The following MYO7A variants were observed in gnomAD, a reference collection of about 807,000 sequenced individuals.
MYO7A encodes myosin VIIA.
In MYO7A, 210 loss-of-function variants were observed where a neutral mutation model predicts 263.8. The ratio of observed to expected loss-of-function variants is 0.80; its 90% CI spans 0.71 to 0.89. The LOEUF (loss-of-function observed/expected upper bound fraction) is 0.89. Among genes scored for constraint, MYO7A ranks in the 40% least tolerant of loss-of-function variants. The pLI, the probability that MYO7A is intolerant of heterozygous loss-of-function variation, is 0.00. For missense variants in MYO7A, 2,820 were observed against 2,968.3 expected (o/e 0.95, Z 1.16); for synonymous variants, 1,239 against 1,197.3 (o/e 1.03, Z -0.72).
chr11:77,177,791 A>G (rs1954769323), intron 19 of MYO7A, 148 bp downstream of exon 19: 2 of 649,794 alleles, frequency 3.1e-6, no homozygotes, highest in South Asian at 1.8e-5. Flanking sequence ...GCATGCACAC[A>G]TGATCATGTA....
chr11:77,206,097 A>C lies in MYO7A; in HGVS notation c.5637A>C (p.Arg1879Ser), dbSNP rs1420467307. ...DCLQRLQKAL[R>S]NGSRKYPPHL... Reference sequence around the variant, plus strand: ...CCTGCTGCCCCTGCTGCCTTTTCAGAAACGGGTCCCGGAAGTACCCTCCGC... The same window carrying C: ...CCTGCTGCCCCTGCTGCCTTTTCAGCAACGGGTCCCGGAAGTACCCTCCGC... Residue 1879 changes from arginine to serine, a missense_variant and splice_region_variant, in exon 41 of 49, where the codon AGA becomes AGC. Arg to Ser is a moderately radical substitution (Grantham distance 110). Coordinates refer to ENST00000409709, the MANE Select transcript of MYO7A (RefSeq NM_000260.4). The C allele has an allele frequency of 6.2e-7, 1 of 1,610,322 alleles. No individual in the cohort carries two copies. Among genetic ancestry groups the C allele is most frequent in the East Asian group, 2.2e-5 (1 of 44,684 alleles).
At chr11:77,201,981 G>A (rs927086883) in intron 36 of MYO7A, among the ~76,000 whole-genome samples, 17 of 152,138 alleles carry the variant, frequency 1.1e-4, no homozygotes, top group African/African-American at 4.1e-4. Flanking sequence ...AGGACTCACA[G>A]CCCAGCTTCC....
At chr11:77,189,320 T>TCCCTTG in intron 27 of MYO7A, 24 bp from the exon 28 acceptor site, 4 of 1,611,954 alleles carry the variant, frequency 2.5e-6, no homozygotes, top group Non-Finnish European at 3.4e-6. Context: ...TGATTCCCCC[T>TCCCTTG]CCCTTGCCCT....
intron 44 of MYO7A, 58 bp downstream of exon 44, chr11:77,208,861 C>A: frequency 7.2e-7 from 1 of 1,382,920 alleles, no homozygotes; most frequent in Non-Finnish European, 1.0e-6. Context: ...TGTACTTTGG[C>A]CCTGAAAGCA....
Position 77,166,084 on chromosome 11 carries a change from G to A in MYO7A, c.1719G>A (p.Leu573=), listed in dbSNP as rs781881163. ...TCCTGGAGAAGAACCGAGACACCCTGCATGGGGACATTATCCAGCTGGTCC... is the reference window on the plus strand; with the variant it reads ...TCCTGGAGAAGAACCGAGACACCCTACATGGGGACATTATCCAGCTGGTCC... ...QGFLEKNRDT[L]HGDIIQLVHS... is the part of the protein sequence containing the mutation. Residue 573 remains leucine, a synonymous_variant, in exon 15 of 49, where the codon CTG becomes CTA. Transcript: ENST00000409709. 3 of 1,613,882 alleles carry A rather than the reference G, an allele frequency of 1.9e-6. No homozygotes were observed. Among genetic ancestry groups the A allele is most frequent in the East Asian group, 2.2e-5 (1 of 44,862 alleles).
intron 2 of MYO7A, among the ~76,000 whole-genome samples, chr11:77,131,616 C>A (rs1182269399): frequency 2.0e-5 from 3 of 152,298 alleles, no homozygotes; most frequent in Admixed American, 2.0e-4. Flanking sequence ...AGGGCCTGGG[C>A]CCCCATAGCC....
intron 24 of MYO7A, 41 bp downstream of exon 24, chr11:77,182,195 A>G (rs1555085191): frequency 1.9e-6 from 3 of 1,608,090 alleles, no homozygotes; most frequent in Middle Eastern, 1.7e-4. Context: ...GGGTGGGGCC[A>G]GGGCTGGGGC....
chr11:77,211,239 G>C lies in MYO7A; in HGVS notation c.6139G>C (p.Glu2047Gln). The change falls in exon 45 of 49, where the codon GAG becomes CAG. Residue 2047 changes from glutamate (E) to glutamine (Q), a missense_variant. Coordinates refer to ENST00000409709, the MANE Select transcript of MYO7A (RefSeq NM_000260.4). ...LGALIYRVKF[E>Q]EDKSYFPSIP... The stretch of plus-strand genomic sequence containing the variant: ...GGCGCTGATCTACAGGGTCAAGTTC[G>C]AGGAGGACAAGTCCTACTTCCCCAG... 5 of 1,586,456 alleles carry C rather than the reference G, an allele frequency of 3.2e-6. No individual in the cohort carries two copies. The highest frequency in any genetic ancestry group is 3.4e-6 in the Non-Finnish European group (4 of 1,166,714).
intron 4 of MYO7A, among the ~76,000 whole-genome samples, chr11:77,148,592 G>A (rs1159800273): frequency 6.6e-6 from 1 of 152,148 alleles, no homozygotes; most frequent in Non-Finnish European, 1.5e-5. Context: ...TACTCTAGAG[G>A]TTCTCACACT....
chr11:77,167,024 C>T (rs906579578), intron 15 of MYO7A, among the ~76,000 whole-genome samples: 2 of 152,226 alleles, frequency 1.3e-5, no homozygotes, highest in Admixed American at 1.3e-4. Context: ...CTGAGGATGG[C>T]GGGAGAGGCC....
Position 77,205,580 on chromosome 11 carries a change from G to A in MYO7A, c.5599G>A (p.Ala1867Thr), listed in dbSNP as rs773687623. Reference protein sequence around the residue: ...FLQSRKHCPLAIDCLQRLQKA... With the variant: ...FLQSRKHCPLTIDCLQRLQKA... The stretch of plus-strand genomic sequence containing the variant: ...GCAGTCCCGAAAGCACTGCCCACTC[G>A]CCATCGACTGCCTGCAACGGCTCCA... The change falls in exon 40 of 49, where the codon GCC becomes ACC. Residue 1867 changes from alanine to threonine, a missense_variant. Transcript: ENST00000409709. 4 of 1,613,204 alleles carry A rather than the reference G, an allele frequency of 2.5e-6. No individual in the cohort carries two copies. Among genetic ancestry groups the A allele is most frequent in the South Asian group, 1.1e-5 (1 of 90,888 alleles).
At chr11:77,168,142 T>G (rs1953730615) in intron 15 of MYO7A, among the ~76,000 whole-genome samples, 1 of 152,184 alleles carries the variant, frequency 6.6e-6, no homozygotes, top group African/African-American at 2.4e-5. Context: ...TTAAACCCCA[T>G]CTTCCCCTCC....
At position 77,166,142 on chromosome 11, in the gene MYO7A, T is replaced by C. The variant is rs1565368286; in HGVS notation, c.1777T>C (p.Phe593Leu). The change falls in exon 15 of 49, where the codon TTC (phenylalanine) becomes CTC (leucine). Residue 593 changes from phenylalanine (F) to leucine (L), a missense_variant. Phe to Leu is a conservative substitution (Grantham distance 22). Transcript: ENST00000409709. ...CAGGAACAAGTTCATCAAGCAGATC[T>C]TCCAGGCCGATGTCGCCATGGTAAG... Reference protein sequence around the residue: ...SSRNKFIKQIFQADVAMGAET... With the variant: ...SSRNKFIKQILQADVAMGAET... 6.2e-7 allele frequency: 1 copy of C among 1,613,678 alleles called. No homozygotes were observed. The highest frequency in any genetic ancestry group is 8.5e-7 in the Non-Finnish European group (1 of 1,179,748).
intron 29 of MYO7A, 137 bp downstream of exon 29, chr11:77,190,276 C>T (rs1955956221): frequency 2.1e-6 from 2 of 952,026 alleles, no homozygotes; most frequent in African/African-American, 3.4e-5. Context: ...AGACACCTAC[C>T]CTCAAGTTCT....
intron 18 of MYO7A, 141 bp from the exon 19 acceptor site, chr11:77,177,408 C>A: frequency 1.5e-6 from 1 of 681,052 alleles, no homozygotes; most frequent in Non-Finnish European, 2.5e-6. Flanking sequence ...CCCCAGGGGC[C>A]AGAGCCAGCT....
At chr11:77,197,135 G>A (rs981619810) in intron 32 of MYO7A, among the ~76,000 whole-genome samples, 4 of 152,112 alleles carry the variant, frequency 2.6e-5, no homozygotes, top group African/African-American at 4.8e-5. Context: ...ACCAGCACAC[G>A]CCTCCTACTG....
At chr11:77,162,415 C>A (rs2135305713) in intron 13 of MYO7A, 85 bp downstream of exon 13, 2 of 1,277,076 alleles carry the variant, frequency 1.6e-6, no homozygotes, top group South Asian at 1.3e-5. Context: ...TCCTCATCTG[C>A]AAAATAGGAC....
chr11:77,205,946 G>A lies in MYO7A; in HGVS notation c.5637-151G>A, dbSNP rs935651072. 1.9e-5 allele frequency: 13 copies of A among 698,012 alleles called. No homozygotes were observed. In the African/African-American group the frequency reaches 2.3e-4, roughly 12 times the overall value. 43.2% of individuals were successfully genotyped at this position (698,012 alleles called of 1,614,324 possible). A position where few individuals can be genotyped will look rare whatever the true frequency, so the allele number is the denominator to read the frequency against. On this transcript the variant is annotated intron_variant, in intron 40 of 48. Transcript: ENST00000409709. ...CATCGTCCCATTTTACAGATGAGGAGCTCAAGGCTCTGGGAGACTCAGTGG... is the reference window on the plus strand; with the variant it reads ...CATCGTCCCATTTTACAGATGAGGAACTCAAGGCTCTGGGAGACTCAGTGG...
Position 77,194,408 on chromosome 11 carries a change from G to A in MYO7A, c.4207G>A (p.Glu1403Lys), listed in dbSNP as rs916332384. The change falls in exon 32 of 49, where the codon GAG (glutamate) becomes AAG (lysine). Residue 1403 changes from glutamate to lysine, a missense_variant. By Grantham distance (56) the Glu-to-Lys change is moderately conservative (BLOSUM62 1). Transcript: ENST00000409709. ...SQQYFVDYGS[E>K]MILERLLNLV... Reference sequence around the variant, plus strand: ...GCAGTACTTTGTAGACTATGGCTCTGAGATGATCCTGGAGCGCCTCCTGAA... The same window carrying A: ...GCAGTACTTTGTAGACTATGGCTCTAAGATGATCCTGGAGCGCCTCCTGAA... The A allele has an allele frequency of 6.2e-7, 1 of 1,612,760 alleles. No homozygotes were observed. Among genetic ancestry groups the A allele is most frequent in the South Asian group, 1.1e-5 (1 of 90,640 alleles).
Sources: gnomAD v4.1 joint callset for allele counts (sites outside exome capture counted in the v4.1 genomes callset) on GRCh38, gnomAD v4.1.1 for gene constraint, MANE v1.5 for transcripts, NCBI Gene and HGNC (gene_info 2026-07-23, HGNC 2026-07-21) for gene names.